Variants in PCGF5 observed in about 807,000 individuals in gnomAD.
PCGF5 encodes polycomb group RING finger protein 5.
A neutral mutation model predicts 44.3 loss-of-function variants in PCGF5; 9 were observed. The observed-to-expected ratio is 0.20, with a 90% CI of 0.12 to 0.35. PCGF5 has a LOEUF of 0.35. Among genes scored for constraint, PCGF5 ranks in the 10% least tolerant of loss-of-function variants. PCGF5 has a pLI of 1.00. For missense variants in PCGF5, 146 were observed against 305.3 expected (o/e 0.48, Z 3.89); for synonymous variants, 95 against 102.5 (o/e 0.93, Z 0.44).
At position 91,283,198 on chromosome 10, in the gene PCGF5, AAAT is replaced by A. The variant is rs1298828794; in HGVS notation, c.*4886_*4888del. On this transcript the variant is annotated 3_prime_UTR_variant, in exon 10 of 10. Transcript: ENST00000336126. ...CTTCCTAGTATAATACAGTTTTCAT[AAAT>A]AATGTTTACTTGCTTTCTTTATATT... is the stretch of plus-strand genomic sequence containing the variant. 1 of 152,240 alleles carries A rather than the reference AAAT, an allele frequency of 6.6e-6. No homozygotes were observed. The highest frequency in any genetic ancestry group is 1.9e-4 in the East Asian group (1 of 5,196). 9.4% of individuals were successfully genotyped at this position (152,240 alleles called of 1,614,324 possible). A position where few individuals can be genotyped will look rare whatever the true frequency, so the allele number is the denominator to read the frequency against.
chr10:91,181,143 G>A (rs896023217), intron 1 of PCGF5, among the ~76,000 whole-genome samples: 5 of 151,708 alleles, frequency 3.3e-5, no homozygotes, highest in African/African-American at 1.2e-4. Flanking sequence ...TTTGGCTCTT[G>A]GCCTGACCCT....
In PCGF5 at chr10:91,241,997, T is replaced by C. The variant is rs1845339949; in HGVS notation, c.209+1417T>C. ...TTCGTTTAGCAAGCTCTCTAGGTGA[T>C]GCTAATATATGCTAACATTTGGGAA... On this transcript the variant is annotated intron_variant, in intron 3 of 9. Transcript: ENST00000336126. 2.0e-5 allele frequency among the ~76,000 whole-genome samples: 3 copies of C among 152,224 alleles called. No individual in the cohort carries two copies. The South Asian group carries it at 6.2e-4, about 32-fold the overall frequency.
chr10:91,162,995 G>T (rs1843416673), upstream of PCGF5: 1 of 145,834 alleles, frequency 6.9e-6, no homozygotes, highest in African/African-American at 2.5e-5. Flanking sequence ...GCCGGCGCGG[G>T]CTCCCTCACC....
rs1846437044 is a variant in PCGF5 at position 91,280,856 on chromosome 10, G to A, written c.*2540G>A. 6.6e-6 allele frequency: 1 copy of A among 152,344 alleles called. No homozygotes were observed. The highest frequency in any genetic ancestry group is 1.5e-5 in the Non-Finnish European group (1 of 67,884). The allele number at this position is 152,344 out of a possible 1,614,324, so 9.4% of individuals were successfully genotyped here. The stretch of plus-strand genomic sequence containing the variant: ...TATAAATTTAGGGTGCTTATAAAAT[G>A]ATAAAATGAATTCTTTAAATAACCT... On this transcript the variant is annotated 3_prime_UTR_variant, in exon 10 of 10. Coordinates refer to ENST00000336126, the MANE Select transcript of PCGF5 (RefSeq NM_032373.5).
Position 91,222,681 on chromosome 10 carries a change from G to T in PCGF5, c.-183-8G>T. On this transcript the variant is annotated splice_polypyrimidine_tract_variant and splice_region_variant and intron_variant, in intron 1 of 9. Transcript: ENST00000336126. ...TCTCTCATCTTTTTGAAATGATTTTGGAAACAGACATGGGAAAGCGGAACC... is the reference window on the plus strand; with the variant it reads ...TCTCTCATCTTTTTGAAATGATTTTTGAAACAGACATGGGAAAGCGGAACC... 2.0e-6 allele frequency: 1 copy of T among 512,062 alleles called. No homozygotes were observed. 31.7% of individuals were successfully genotyped at this position (512,062 alleles called of 1,614,324 possible).
At chr10:91,192,112 C>A (rs905173753) in intron 1 of PCGF5, among the ~76,000 whole-genome samples, 1 of 152,146 alleles carries the variant, frequency 6.6e-6, no homozygotes, top group African/African-American at 2.4e-5. Context: ...CTTAAACTGG[C>A]TGAAGGCAAT....
At chr10:91,158,831 T>A (rs75487818), upstream of PCGF5, among the ~76,000 whole-genome samples, 89 of 152,326 alleles carry the variant, frequency 5.8e-4, no homozygotes, top group East Asian at 0.016. Context: ...AATTTGAATA[T>A]CTTTAACTCA....
chr10:91,244,723 A>G (rs1403366514), intron 3 of PCGF5, among the ~76,000 whole-genome samples: 2 of 152,186 alleles, frequency 1.3e-5, no homozygotes, highest in African/African-American at 4.8e-5. Flanking sequence ...TCGAAAGTAG[A>G]TCCAGCAAGG....
intron 1 of PCGF5, among the ~76,000 whole-genome samples, chr10:91,165,532 C>CT (rs1326637886): frequency 6.6e-6 from 1 of 152,196 alleles, no homozygotes; most frequent in African/African-American, 2.4e-5. Context: ...CTCTCTCACT[C>CT]TGTTGCCCAA....
At chr10:91,245,489 T>TG (rs908240186) in intron 3 of PCGF5, among the ~76,000 whole-genome samples, 37 of 150,976 alleles carry the variant, frequency 2.5e-4, no homozygotes, top group African/African-American at 6.6e-4. Context: ...AGAAATGGGG[T>TG]GGGGGGGTGC....
chr10:91,235,339 G>C (rs750670864), intron 2 of PCGF5, among the ~76,000 whole-genome samples: 2 of 152,060 alleles, frequency 1.3e-5, no homozygotes, highest in African/African-American at 2.4e-5. Context: ...CCAACAACCT[G>C]GTTCAAATCT....
At chr10:91,199,129 T>C (rs904205572) in intron 1 of PCGF5, among the ~76,000 whole-genome samples, 6 of 152,360 alleles carry the variant, frequency 3.9e-5, no homozygotes, top group African/African-American at 1.4e-4. Context: ...TTTCTGGGTC[T>C]TACAGCATTC....
intron 1 of PCGF5, among the ~76,000 whole-genome samples, chr10:91,189,144 T>C (rs1428349247): frequency 1.3e-5 from 2 of 152,264 alleles, no homozygotes; most frequent in Non-Finnish European, 2.9e-5. Context: ...TTTTGCATAA[T>C]GGCCATGGCC....
intron 1 of PCGF5, among the ~76,000 whole-genome samples, chr10:91,179,910 T>C (rs111945122): frequency 0.02 from 3,099 of 152,338 alleles, 86 homozygotes; most frequent in East Asian, 0.084. Flanking sequence ...CTTTAGGTAT[T>C]TGAGGAATCG....
intron 3 of PCGF5, among the ~76,000 whole-genome samples, chr10:91,246,287 T>A (rs1845458309): frequency 6.6e-6 from 1 of 152,194 alleles, no homozygotes; most frequent in Non-Finnish European, 1.5e-5. Context: ...ACGAATGACC[T>A]TGTCTTGAAG....
chr10:91,268,806 T>C (rs1846106736), intron 8 of PCGF5, among the ~76,000 whole-genome samples: 1 of 152,178 alleles, frequency 6.6e-6, no homozygotes, highest in South Asian at 2.1e-4. Flanking sequence ...AAGCCTGTTT[T>C]CTATGGTCCC....
intron 9 of PCGF5, among the ~76,000 whole-genome samples, chr10:91,273,544 T>C (rs1846233986): frequency 6.6e-6 from 1 of 152,202 alleles, no homozygotes; most frequent in South Asian, 2.1e-4. Flanking sequence ...GTAAGGAAAT[T>C]GAACTTGTAG....
intron 1 of PCGF5, among the ~76,000 whole-genome samples, chr10:91,209,446 A>C (rs1442753545): frequency 6.8e-6 from 1 of 148,136 alleles, no homozygotes; most frequent in Non-Finnish European, 1.5e-5. Context: ...TTGTCTTTAC[A>C]AAAAAAATTA....
intron 1 of PCGF5, among the ~76,000 whole-genome samples, chr10:91,194,255 G>T (rs545145668): frequency 6.6e-6 from 1 of 152,220 alleles, no homozygotes; most frequent in Non-Finnish European, 1.5e-5. Context: ...ACAACTTTGA[G>T]ATGGAGAGAT....
Sources: gnomAD v4.1 joint callset for allele counts (sites outside exome capture counted in the v4.1 genomes callset) on GRCh38, gnomAD v4.1.1 for gene constraint, MANE v1.5 for transcripts, NCBI Gene and HGNC (gene_info 2026-07-23, HGNC 2026-07-21) for gene names.